Variants in ARHGAP10 observed in about 807,000 individuals in gnomAD.
ARHGAP10 encodes rho GTPase-activating protein 10.
A neutral mutation model predicts 108.6 loss-of-function variants in ARHGAP10; 87 were observed. The observed-to-expected ratio is 0.80, with a 90% CI of 0.67 to 0.96. The LOEUF (loss-of-function observed/expected upper bound fraction) is 0.96, where lower values mean the gene tolerates loss of function less well. ARHGAP10 is among the 40% of genes least tolerant of loss of function. The pLI is 0.00. For synonymous variants in ARHGAP10, 347 were observed against 341.1 expected (o/e 1.02, Z -0.19); for missense variants, 939 against 954.5 (o/e 0.98, Z 0.21).
At chr4:148,036,960 A>C (rs1728404845) in intron 19 of ARHGAP10, among the ~76,000 whole-genome samples, 1 of 152,230 alleles carries the variant, frequency 6.6e-6, no homozygotes, top group Non-Finnish European at 1.5e-5. Context: ...GTTTTCTTCA[A>C]AAACTGAGGA....
rs1729210386 is a variant in ARHGAP10, at chr4:148,052,977, T to C, written c.2027+5926T>C. On this transcript the variant is annotated intron_variant, in intron 20 of 22. Transcript: ENST00000336498. ...GGTGGTTGAGGCTGCAGAAAAAGTATTAGATACCCTCTTGGCACTTCCAGG... is the reference window on the plus strand; with the variant it reads ...GGTGGTTGAGGCTGCAGAAAAAGTACTAGATACCCTCTTGGCACTTCCAGG... Among the ~76,000 whole-genome samples the C allele has an allele frequency of 3.9e-5, 6 of 152,162 alleles. No individual in the cohort carries two copies. In the South Asian group the frequency reaches 1.2e-3, roughly 32 times the overall value.
At chr4:147,836,537 C>T (rs1315381614) in intron 3 of ARHGAP10, among the ~76,000 whole-genome samples, 1 of 152,158 alleles carries the variant, frequency 6.6e-6, no homozygotes. Flanking sequence ...AGGCATTATT[C>T]AACAGCCATT....
chr4:147,946,428 A>G, intron 14 of ARHGAP10, 189 bp from the exon 15 acceptor site: 1 of 483,846 alleles, frequency 2.1e-6, no homozygotes, highest in Non-Finnish European at 3.6e-6. Context: ...AGATTTTACG[A>G]AGTGCCAGAA....
chr4:148,015,883 T>C (rs1025653392), intron 18 of ARHGAP10, among the ~76,000 whole-genome samples: 11 of 152,234 alleles, frequency 7.2e-5, no homozygotes, highest in African/African-American at 2.7e-4. Context: ...CGTTGATTTC[T>C]AGCTGTCTTC....
intron 18 of ARHGAP10, among the ~76,000 whole-genome samples, chr4:147,968,502 A>G (rs912000807): frequency 6.6e-6 from 1 of 152,182 alleles, no homozygotes; most frequent in Non-Finnish European, 1.5e-5. Context: ...TAATTGTTCT[A>G]ACAGTTTCAG....
intron 10 of ARHGAP10, among the ~76,000 whole-genome samples, chr4:147,887,730 C>T (rs1021490765): frequency 1.6e-4 from 24 of 151,734 alleles, no homozygotes; most frequent in African/African-American, 4.6e-4. Flanking sequence ...GGTGTGGTGG[C>T]GGGCGCTTGT....
At chr4:147,752,376 A>G (rs1392172177) in intron 1 of ARHGAP10, among the ~76,000 whole-genome samples, 1 of 152,178 alleles carries the variant, frequency 6.6e-6, no homozygotes, top group African/African-American at 2.4e-5. Context: ...AAAGGAAGTC[A>G]TTTTCATATA....
At chr4:147,739,186 CAAAA>C (rs59965552) in intron 1 of ARHGAP10, among the ~76,000 whole-genome samples, 3 of 69,940 alleles carry the variant, frequency 4.3e-5, no homozygotes, top group Admixed American at 1.5e-4. Flanking sequence ...GACTCTGTCT[CAAAA>C]AAAAAAAAAA....
chr4:147,969,658 A>G (rs1456007318), intron 18 of ARHGAP10, among the ~76,000 whole-genome samples: 1 of 152,072 alleles, frequency 6.6e-6, no homozygotes, highest in Non-Finnish European at 1.5e-5. Flanking sequence ...AGCTGGGGAG[A>G]TAAGTACATG....
intron 14 of ARHGAP10, among the ~76,000 whole-genome samples, chr4:147,943,417 A>G (rs551421486): frequency 1.6e-4 from 24 of 152,256 alleles, no homozygotes; most frequent in African/African-American, 3.9e-4. Flanking sequence ...GCTGAAAAGT[A>G]TAAAACATAT....
At chr4:147,904,685 T>C (rs1736393770) in intron 10 of ARHGAP10, among the ~76,000 whole-genome samples, 1 of 152,232 alleles carries the variant, frequency 6.6e-6, no homozygotes, top group Non-Finnish European at 1.5e-5. Context: ...AGTGCCACAA[T>C]AAACATACGT....
At chr4:147,742,132 A>G (rs928500200) in intron 1 of ARHGAP10, among the ~76,000 whole-genome samples, 1 of 152,028 alleles carries the variant, frequency 6.6e-6, no homozygotes, top group African/African-American at 2.4e-5. Context: ...CTCAGGTCAG[A>G]ATACAGGATG....
intron 4 of ARHGAP10, among the ~76,000 whole-genome samples, chr4:147,854,352 G>T (rs1222100789): frequency 6.6e-6 from 1 of 152,170 alleles, no homozygotes; most frequent in Non-Finnish European, 1.5e-5. Flanking sequence ...AAATGTTCTG[G>T]CGCTGAGTAA....
chr4:147,832,664 A>AAAAAAAAAAAAAAAT (rs70958588), intron 3 of ARHGAP10, among the ~76,000 whole-genome samples: 1 of 148,380 alleles, frequency 6.7e-6, no homozygotes, highest in Non-Finnish European at 1.5e-5. Context: ...AAAAAAAAAA[A>AAAAAAAAAAAAAAAT]GGAAATTGGA....
intron 1 of ARHGAP10, among the ~76,000 whole-genome samples, chr4:147,767,797 A>G (rs1347979950): frequency 6.6e-6 from 1 of 152,204 alleles, no homozygotes; most frequent in Non-Finnish European, 1.5e-5. Context: ...TTTCCCTAGC[A>G]AAAAGGCAAA....
intron 12 of ARHGAP10, 88 bp from the exon 13 acceptor site, chr4:147,912,986 G>T: frequency 7.7e-7 from 1 of 1,299,836 alleles, no homozygotes; most frequent in South Asian, 1.3e-5. Flanking sequence ...AATTAGTTTG[G>T]ATTTAAATAA....
chr4:147,939,908 C>CT lies in ARHGAP10; in HGVS notation c.1303+13dup, dbSNP rs768594801. The CT allele has an allele frequency of 6.2e-7, 1 of 1,607,880 alleles. No homozygotes were observed. The highest frequency in any genetic ancestry group is 8.5e-7 in the Non-Finnish European group (1 of 1,175,226). ...TCTGAGTATGTTGATGGGTATGCCT[C>CT]TTTTCTAATCATTTTTCCATGTGTT... On this transcript the variant is annotated intron_variant, in intron 14 of 22. Coordinates refer to ENST00000336498, the MANE Select transcript of ARHGAP10 (RefSeq NM_024605.4).
At chr4:147,789,333 A>C (rs1309586368) in intron 1 of ARHGAP10, among the ~76,000 whole-genome samples, 1 of 152,224 alleles carries the variant, frequency 6.6e-6, no homozygotes, top group Non-Finnish European at 1.5e-5. Context: ...TCTGTCACCA[A>C]GGCTGGTGTG....
chr4:147,798,742 T>A (rs1267028556), intron 1 of ARHGAP10, among the ~76,000 whole-genome samples: 6 of 12,068 alleles, frequency 5.0e-4, no homozygotes, highest in African/African-American at 8.0e-4. Flanking sequence ...TCTCTCTCTC[T>A]CTCTCTCTCT....
Sources: gnomAD v4.1 joint callset for allele counts (sites outside exome capture counted in the v4.1 genomes callset) on GRCh38, gnomAD v4.1.1 for gene constraint, MANE v1.5 for transcripts, NCBI Gene and HGNC (gene_info 2026-07-23, HGNC 2026-07-21) for gene names.